The following TXNDC5 variants were observed in gnomAD, a reference collection of about 807,000 sequenced individuals.
The protein encoded by TXNDC5 is thioredoxin domain containing 5.
Under a neutral mutation model 52.6 loss-of-function variants are expected in TXNDC5, and 44 were observed. The observed-to-expected ratio is 0.84, with a 90% confidence interval of 0.66 to 1.08. TXNDC5 has a LOEUF of 1.08. Ranked by LOEUF, TXNDC5 falls within the 50% of genes least tolerant of loss-of-function variation. The pLI is 0.00. For synonymous variants in TXNDC5, 241 were observed against 234.4 expected (o/e 1.03, Z -0.26); for missense variants, 600 against 565.5 (o/e 1.06, Z -0.62).
rs1420771655 is a variant in TXNDC5, at chr6:7,899,582, C to T, written c.513G>A (p.Glu171=). Residue 171 remains glutamate, a synonymous_variant, in exon 3 of 10, where the codon GAG becomes GAA. Transcript: ENST00000379757. The stretch of plus-strand genomic sequence containing the variant: ...GAAGGAGGTAGACACTCACCACTGG[C>T]TCCTCGTTCAGTGTCTGCAGCATCC... ...ENWMLQTLNE[E]PVTPEPEVEP... is the part of the protein sequence containing the mutation. The T allele has an allele frequency of 6.2e-7, 1 of 1,612,296 alleles. No homozygotes were observed.
At chr6:7,909,977 G>A (rs1379839757) in intron 1 of TXNDC5, 21 of 985,996 alleles carry the variant, frequency 2.1e-5, no homozygotes, top group Non-Finnish European at 2.5e-5. Context: ...TGGGGCGCTG[G>A]GCAGGGACCG....
intron 3 of TXNDC5, among the ~76,000 whole-genome samples, chr6:7,896,842 A>G (rs1760385637): frequency 6.6e-6 from 1 of 152,202 alleles, no homozygotes; most frequent in Non-Finnish European, 1.5e-5. Context: ...GGAACACCAC[A>G]GTGCATCCCA....
intron 1 of TXNDC5, 50 bp downstream of exon 1, chr6:7,910,464 C>G (rs1760881213): frequency 7.4e-7 from 1 of 1,358,760 alleles, no homozygotes; most frequent in African/African-American, 1.6e-5. Context: ...GCGCCCCACG[C>G]CCCGCGAAGC....
chr6:7,883,006 C>T lies in TXNDC5; in HGVS notation c.*138G>A. ...AGTGTGTTGGCTTGGAAAACACACA[C>T]ACAAAGAAGATACCTCACGCTTAGT... On this transcript the variant is annotated 3_prime_UTR_variant, in exon 10 of 10. Transcript: ENST00000379757. The T allele has an allele frequency of 8.5e-7, 1 of 1,176,262 alleles. No homozygotes were observed. The highest frequency in any genetic ancestry group is 1.2e-6 in the Non-Finnish European group (1 of 843,238). The allele number at this position is 1,176,262 out of a possible 1,614,324, so 72.9% of individuals were successfully genotyped here. A position where few individuals can be genotyped will look rare whatever the true frequency, so the allele number is the denominator to read the frequency against.
In TXNDC5 at chr6:7,882,786, C is replaced by G. The variant is rs1759810740; in HGVS notation, c.*358G>C. ...ATGCTTTGGATGTGCTTTCTTTCAC[C>G]AAAATCACTCAACTCAGGAGCCACA... On this transcript the variant is annotated 3_prime_UTR_variant, in exon 10 of 10. Transcript: ENST00000379757. The G allele has an allele frequency of 5.1e-6, 1 of 197,912 alleles. No individual in the cohort carries two copies. The highest frequency in any genetic ancestry group is 5.4e-5 in the Admixed American group (1 of 18,630). 12.3% of individuals were successfully genotyped at this position (197,912 alleles called of 1,614,324 possible).
Position 7,881,917 on chromosome 6 carries a change from C to CAA in TXNDC5, c.*1226_*1227insTT, listed in dbSNP as rs1206464703. 5.6e-5 allele frequency: 8 copies of CAA among 141,758 alleles called. No homozygotes were observed. The highest frequency in any genetic ancestry group is 1.2e-4 in the African/African-American group (4 of 32,872). The allele number at this position is 141,758 out of a possible 1,614,324, so 8.8% of individuals were successfully genotyped here. A position where few individuals can be genotyped will look rare whatever the true frequency, so the allele number is the denominator to read the frequency against. ...AGTAGCTCGATGGTAAAAGGACAAA[C>CAA]ACCTATCTATCTTAGAGCTTAAGCC... On this transcript the variant is annotated 3_prime_UTR_variant, in exon 10 of 10. Coordinates refer to ENST00000379757, the MANE Select transcript of TXNDC5 (RefSeq NM_030810.5).
chr6:7,904,611 C>T lies in TXNDC5; in HGVS notation c.376G>A (p.Asp126Asn), dbSNP rs200044389. 3.0e-5 allele frequency: 48 copies of T among 1,614,126 alleles called. No homozygotes were observed. The highest frequency in any genetic ancestry group is 9.9e-5 in the South Asian group (9 of 91,084). Residue 126 changes from aspartate (D) to asparagine (N), a missense_variant, in exon 2 of 10, where the codon GAC becomes AAC. Coordinates refer to ENST00000379757, the MANE Select transcript of TXNDC5 (RefSeq NM_030810.5). ...VAKVDCTAHS[D>N]VCSAQGVRGY... ...CGCACCCCCTGGGCGGAGCACACGT[C>T]GGAGTGGGCCGTGCAGTCCACTTTA...
At chr6:7,890,880 T>C (rs1254669717) in intron 5 of TXNDC5, among the ~76,000 whole-genome samples, 1 of 152,154 alleles carries the variant, frequency 6.6e-6, no homozygotes, top group Admixed American at 6.5e-5. Flanking sequence ...GCCAGCCAGG[T>C]CTACCCAACC....
rs377712542 is a variant in TXNDC5 at position 7,904,568 on chromosome 6, A to T, written c.413+6T>A. On this transcript the variant is annotated splice_donor_region_variant and intron_variant, in intron 2 of 9. Coordinates refer to ENST00000379757, the MANE Select transcript of TXNDC5 (RefSeq NM_030810.5). The stretch of plus-strand genomic sequence containing the variant: ...TAGGAAGTGTGCCCCCTTCCTTCCA[A>T]CTTACGTGGGGTATCCTCGCACCCC... 1.9e-6 allele frequency: 3 copies of T among 1,613,346 alleles called. No individual in the cohort carries two copies. In the African/African-American group the frequency reaches 4.0e-5, roughly 22 times the overall value.
intron 6 of TXNDC5, 178 bp downstream of exon 6, chr6:7,889,317 C>T: frequency 1.7e-6 from 1 of 581,224 alleles, no homozygotes; most frequent in Non-Finnish European, 3.0e-6. Context: ...AGGTTCATCT[C>T]CACAACCCAA....
At position 7,881,738 on chromosome 6, in the gene TXNDC5, C is replaced by T. The variant is rs1050735299; in HGVS notation, c.*1406G>A. On this transcript the variant is annotated 3_prime_UTR_variant, in exon 10 of 10. Coordinates refer to ENST00000379757, the MANE Select transcript of TXNDC5 (RefSeq NM_030810.5). ...GATTTCCTTTAAGGCAGAGGCTGGTCGAGATGCTGCTGTTATCTTCTGCCT... is the reference window on the plus strand; with the variant it reads ...GATTTCCTTTAAGGCAGAGGCTGGTTGAGATGCTGCTGTTATCTTCTGCCT... The T allele has an allele frequency of 1.3e-5, 2 of 152,236 alleles. No homozygotes were observed. The highest frequency in any genetic ancestry group is 6.5e-5 in the Admixed American group (1 of 15,296). The allele number at this position is 152,236 out of a possible 1,614,324, so 9.4% of individuals were successfully genotyped here. A position where few individuals can be genotyped will look rare whatever the true frequency, so the allele number is the denominator to read the frequency against.
chr6:7,895,513 A>G (rs1410531918), intron 3 of TXNDC5, among the ~76,000 whole-genome samples: 1 of 152,254 alleles, frequency 6.6e-6, no homozygotes, highest in Non-Finnish European at 1.5e-5. Flanking sequence ...CAGACAATGC[A>G]AAGGACAGTC....
At chr6:7,889,930 G>A (rs1031214639) in intron 5 of TXNDC5, among the ~76,000 whole-genome samples, 3 of 152,134 alleles carry the variant, frequency 2.0e-5, no homozygotes, top group African/African-American at 7.2e-5. Context: ...GGTGGGAGGG[G>A]GGTTAGCCTG....
At position 7,887,731 on chromosome 6, in the gene TXNDC5, CCA is replaced by C. The variant is rs1298591310; in HGVS notation, c.963+972_963+973del. ...CAGTTCCTAATCCTTGGCCAGCTGC[CCA>C]CAGACTCTCAACTCCAGCTCCTCTC... On this transcript the variant is annotated intron_variant, in intron 7 of 9. Coordinates refer to ENST00000379757, the MANE Select transcript of TXNDC5 (RefSeq NM_030810.5). 1.4e-4 allele frequency among the ~76,000 whole-genome samples: 21 copies of C among 152,256 alleles called. No homozygotes were observed. In the South Asian group the frequency reaches 2.3e-3, roughly 17 times the overall value.
chr6:7,886,715 C>A (rs188713238), intron 7 of TXNDC5, among the ~76,000 whole-genome samples: 2 of 152,294 alleles, frequency 1.3e-5, no homozygotes, highest in East Asian at 3.9e-4. Flanking sequence ...CAGTTCTTTA[C>A]AGAATGACGT....
intron 4 of TXNDC5, chr6:7,894,880 TG>T: frequency 1.0e-6 from 1 of 985,440 alleles, no homozygotes; most frequent in Non-Finnish European, 1.2e-6. Context: ...GGGTCACGTG[TG>T]CTTAGCATTA....
At chr6:7,885,395 A>G (rs115349598) in intron 8 of TXNDC5, among the ~76,000 whole-genome samples, 2,870 of 152,314 alleles carry the variant, frequency 0.019, 91 homozygotes, top group African/African-American at 0.064. Flanking sequence ...CATTCACGGT[A>G]AGTCTTAGAA....
intron 2 of TXNDC5, among the ~76,000 whole-genome samples, chr6:7,903,500 C>G (rs1253719551): frequency 6.6e-6 from 1 of 152,170 alleles, no homozygotes; most frequent in African/African-American, 2.4e-5. Flanking sequence ...TTTGGGGGAT[C>G]ACCTTACTTA....
At chr6:7,904,490 T>C in intron 2 of TXNDC5, 84 bp downstream of exon 2, 1 of 1,560,876 alleles carries the variant, frequency 6.4e-7, no homozygotes, top group Non-Finnish European at 8.7e-7. Context: ...TAGTATCTCT[T>C]CACACCTTTA....
Sources: gnomAD v4.1 joint callset for allele counts (sites outside exome capture counted in the v4.1 genomes callset) on GRCh38, gnomAD v4.1.1 for gene constraint, MANE v1.5 for transcripts, NCBI Gene and HGNC (gene_info 2026-07-23, HGNC 2026-07-21) for gene names.